PC: variants seen among roughly 807,000 people sequenced by gnomAD.
PC encodes the protein pyruvate carboxylase, also known as pyruvate carboxylase, mitochondrial.
A neutral mutation model predicts 107.8 loss-of-function variants in PC; 46 were observed. The ratio of observed to expected loss-of-function variants is 0.43; its 90% CI spans 0.34 to 0.55. The LOEUF (loss-of-function observed/expected upper bound fraction) is 0.55. PC is among the 20% of genes least tolerant of loss of function. PC has a pLI of 0.04. For synonymous variants in PC, 662 were observed against 684.7 expected, an observed-to-expected ratio of 0.97 and a Z score of 0.52; for missense variants, 1,241 against 1,643.1, an observed-to-expected ratio of 0.76 and a Z score of 4.23.
In PC at chr11:66,852,991, G is replaced by T; in HGVS notation, c.1514-155C>A. On this transcript the variant is annotated intron_variant, in intron 13 of 22. Transcript: ENST00000393960. The surrounding 1 kb of genome is among the most constrained non-coding windows in gnomAD (Gnocchi z 4.7). Reference sequence around the variant, plus strand: ...GTCCTCTCCAAAGCCAGGGCCTCCTGGGTACAGGCAGTGGGGACGTCTTGA... The same window carrying T: ...GTCCTCTCCAAAGCCAGGGCCTCCTTGGTACAGGCAGTGGGGACGTCTTGA... 1 of 711,248 alleles carries T rather than the reference G, an allele frequency of 1.4e-6. No homozygotes were observed. Among genetic ancestry groups the T allele is most frequent in the Non-Finnish European group, 2.3e-6 (1 of 435,038 alleles). 44.1% of individuals were successfully genotyped at this position (711,248 alleles called of 1,614,324 possible). A position where few individuals can be genotyped will look rare whatever the true frequency, so the allele number is the denominator to read the frequency against.
chr11:66,947,811 A>C (rs887743927), intron 3 of PC, among the ~76,000 whole-genome samples: 1 of 150,850 alleles, frequency 6.6e-6, no homozygotes, highest in Non-Finnish European at 1.5e-5. Flanking sequence ...AAAAATACAA[A>C]AATTAGCTGG....
chr11:66,880,644 C>T (rs57240313), intron 3 of PC, among the ~76,000 whole-genome samples: 2,269 of 152,368 alleles, frequency 0.015, 34 homozygotes, highest in South Asian at 0.043. Flanking sequence ...CAAGTGCCAC[C>T]AGTCTGCAGC....
At position 66,944,712 on chromosome 11, in the gene PC, G is replaced by A. The variant is rs150588985; in HGVS notation, c.-1+7718C>T. ...GCCACAATTTTTTAAAATGGGGGAC[G>A]AAAAACTCTTGCAGCGCAAAAACCT... is the stretch of plus-strand genomic sequence containing the variant. On this transcript the variant is annotated intron_variant, in intron 3 of 22. Transcript: ENST00000393960. Among the ~76,000 whole-genome samples, 263 of 117,742 alleles carry A rather than the reference G, an allele frequency of 2.2e-3. 69 individuals carry two copies. The highest frequency in any genetic ancestry group is 7.6e-3 in the African/African-American group (249 of 32,894). The allele number at this position is 117,742 out of a possible 152,430, so 77.2% of individuals were successfully genotyped here.
intron 3 of PC, among the ~76,000 whole-genome samples, chr11:66,911,352 G>A (rs977398049): frequency 6.6e-6 from 1 of 152,032 alleles, no homozygotes; most frequent in African/African-American, 2.4e-5. Flanking sequence ...CGCCATCCTG[G>A]GCTTCAGTTT....
At position 66,858,410 on chromosome 11, in the gene PC, C is replaced by T. The variant is rs558719118; in HGVS notation, c.1369-5027G>A. 3.9e-6 allele frequency: 6 copies of T among 1,556,774 alleles called. No individual in the cohort carries two copies. The highest frequency in any genetic ancestry group is 1.7e-4 in the Middle Eastern group (1 of 6,012). The stretch of plus-strand genomic sequence containing the variant: ...TCTCTCGTGGGCGTGATGCAGAGGC[C>T]TCTCCCGCCCCCCTGGTGCTGAGCT... On this transcript the variant is annotated intron_variant, in intron 12 of 22. Transcript: ENST00000393960. This position sits in a 1 kb window ranked among gnomAD's most constrained non-coding sequence, Gnocchi z 5.9.
At chr11:66,860,333 G>T in intron 12 of PC, 1 of 1,303,770 alleles carries the variant, frequency 7.7e-7, no homozygotes, top group South Asian at 1.3e-5. Flanking sequence ...GGAGGGGCAG[G>T]GAGCCCTTTC....
Position 66,870,364 on chromosome 11 carries a change from CG to C in PC, c.840del (p.Ala281ProfsTer16). 6.2e-7 allele frequency: 1 copy of C among 1,613,532 alleles called. No individual in the cohort carries two copies. The highest frequency in any genetic ancestry group is 1.1e-5 in the South Asian group (1 of 91,086). On this transcript the variant is annotated frameshift_variant, in exon 9 of 23. Coordinates refer to ENST00000393960, the MANE Select transcript of PC (RefSeq NM_001040716.2). LOFTEE classifies it high-confidence loss of function. This position sits in a 1 kb window ranked among gnomAD's most constrained non-coding sequence, Gnocchi z 6.1. ...RHQKVVEIAP[A>X]AHLDPQLRTR... Reference sequence around the variant, plus strand: ...GTCCGAAGCTGCGGGTCCAGGTGGGCGGCGGGGGCAATCTCGACCACCTTCT... The same window carrying C: ...GTCCGAAGCTGCGGGTCCAGGTGGGCGCGGGGGCAATCTCGACCACCTTCT...
rs550930114 is a variant in PC, at chr11:66,858,395, G to A, written c.1369-5012C>T. The A allele has an allele frequency of 6.4e-7, 1 of 1,563,388 alleles. No homozygotes were observed. Among genetic ancestry groups the A allele is most frequent in the African/African-American group, 1.4e-5 (1 of 74,034 alleles). The stretch of plus-strand genomic sequence containing the variant: ...CTCCGGACCCGCTTTTCTCTCGTGG[G>A]CGTGATGCAGAGGCCTCTCCCGCCC... On this transcript the variant is annotated intron_variant, in intron 12 of 22. Coordinates refer to ENST00000393960, the MANE Select transcript of PC (RefSeq NM_001040716.2). The surrounding 1 kb of genome is among the most constrained non-coding windows in gnomAD (Gnocchi z 5.9).
At chr11:66,929,723 C>T (rs1251315975) in intron 3 of PC, among the ~76,000 whole-genome samples, 2 of 151,954 alleles carry the variant, frequency 1.3e-5, no homozygotes, top group Non-Finnish European at 2.9e-5. Flanking sequence ...CACTATGTTG[C>T]CCAGGCTGGT....
chr11:66,863,637 G>A, intron 12 of PC, 137 bp downstream of exon 12: 1 of 920,428 alleles, frequency 1.1e-6, no homozygotes. Flanking sequence ...CAGCCAAGGA[G>A]AGCCACTGAC....
chr11:66,949,084 C>T (rs554413336), intron 3 of PC, among the ~76,000 whole-genome samples: 43 of 151,370 alleles, frequency 2.8e-4, no homozygotes, highest in Admixed American at 2.8e-3. Flanking sequence ...CCTCCGCCTC[C>T]CGGGTTCAAG....
At chr11:66,901,376 T>A (rs986221307) in intron 3 of PC, among the ~76,000 whole-genome samples, 2 of 152,176 alleles carry the variant, frequency 1.3e-5, no homozygotes, top group African/African-American at 4.8e-5. Flanking sequence ...GATGCCACCA[T>A]CCTGACCCAG....
chr11:66,932,689 C>T (rs1333365191), intron 3 of PC, among the ~76,000 whole-genome samples: 1 of 152,142 alleles, frequency 6.6e-6, no homozygotes, highest in Admixed American at 6.5e-5. Flanking sequence ...AGAAGCTAGC[C>T]ATCGGGGAAA....
chr11:66,871,393 G>C lies in PC; in HGVS notation c.409C>G (p.Arg137Gly). 2 of 1,613,724 alleles carry C rather than the reference G, an allele frequency of 1.2e-6. No individual in the cohort carries two copies. Among genetic ancestry groups the C allele is most frequent in the Non-Finnish European group, 1.7e-6 (2 of 1,180,026 alleles). ...FAQACQDAGV[R>G]FIGPSPEVVR... Reference sequence around the variant, plus strand: ...ACTTCTGGGCTTGGCCCAATAAACCGGACCCCTGCATCCTGGCAGGCCTGG... The same window carrying C: ...ACTTCTGGGCTTGGCCCAATAAACCCGACCCCTGCATCCTGGCAGGCCTGG... The change falls in exon 6 of 23, where the codon CGG becomes GGG. Residue 137 changes from arginine to glycine, a missense_variant. This residue lies in a region of PC where 1,143 missense variants were observed against 1,551.9 expected (regional missense o/e 0.74). Coordinates refer to ENST00000393960, the MANE Select transcript of PC (RefSeq NM_001040716.2). This position sits in a 1 kb window ranked among gnomAD's most constrained non-coding sequence, Gnocchi z 7.4.
chr11:66,888,840 C>T (rs1471347087), intron 3 of PC, among the ~76,000 whole-genome samples: 1 of 152,184 alleles, frequency 6.6e-6, no homozygotes, highest in Non-Finnish European at 1.5e-5. Context: ...CTCTGGGAGG[C>T]CCAGGCGGGC....
intron 11 of PC, among the ~76,000 whole-genome samples, chr11:66,865,913 G>A (rs547422574): frequency 6.6e-6 from 1 of 152,258 alleles, no homozygotes; most frequent in Non-Finnish European, 1.5e-5. Flanking sequence ...TTTGTGTCTG[G>A]GTCCCTGCGT....
intron 3 of PC, among the ~76,000 whole-genome samples, chr11:66,889,212 C>T (rs1170162279): frequency 1.3e-5 from 2 of 151,790 alleles, no homozygotes; most frequent in African/African-American, 4.8e-5. Context: ...TAAAAGTGAG[C>T]TCAATCTTCC....
intron 3 of PC, among the ~76,000 whole-genome samples, chr11:66,949,725 C>T (rs547805111): frequency 9.9e-5 from 15 of 152,170 alleles, no homozygotes; most frequent in African/African-American, 2.2e-4. Context: ...GTCCTAGAAT[C>T]GTAAATAGAT....
Position 66,870,186 on chromosome 11 carries a change from A to ATCCCCAG in PC, c.903+109_903+115dup. 1 of 1,295,820 alleles carries ATCCCCAG rather than the reference A, an allele frequency of 7.7e-7. No individual in the cohort carries two copies. Among genetic ancestry groups the ATCCCCAG allele is most frequent in the Non-Finnish European group, 1.1e-6 (1 of 914,668 alleles). 80.3% of individuals were successfully genotyped at this position (1,295,820 alleles called of 1,614,324 possible). A position where few individuals can be genotyped will look rare whatever the true frequency, so the allele number is the denominator to read the frequency against. ...GAGAGTCCTTCACCCTCTTCTCCCC[A>ATCCCCAG]TCCCCAGTCCCCAGAAGGGGACTCA... is the stretch of plus-strand genomic sequence containing the variant. On this transcript the variant is annotated intron_variant, in intron 9 of 22. Transcript: ENST00000393960. This position sits in a 1 kb window ranked among gnomAD's most constrained non-coding sequence, Gnocchi z 6.1.
Sources: allele counts gnomAD v4.1 joint callset (sites outside exome capture counted in the v4.1 genomes callset), GRCh38; gene constraint gnomAD v4.1.1; regional missense constraint gnomAD v4.1.1; non-coding constraint Gnocchi (gnomAD v3.1); transcripts MANE v1.5; gene names NCBI Gene and HGNC (gene_info 2026-07-23, HGNC 2026-07-21).